LARP4B: variants seen among roughly 807,000 people sequenced by gnomAD.
The protein encoded by LARP4B is La ribonucleoprotein 4B.
Under a neutral mutation model 89.8 loss-of-function variants are expected in LARP4B, and 12 were observed. The ratio of observed to expected loss-of-function variants is 0.13; its 90% CI spans 0.09 to 0.22. The LOEUF is 0.22. Ranked by LOEUF, LARP4B falls within the 10% of genes least tolerant of loss-of-function variation. LARP4B has a pLI of 1.00. For missense variants in LARP4B, 757 were observed against 947.7 expected (o/e 0.80, Z 2.64); for synonymous variants, 367 against 363.3 (o/e 1.01, Z -0.12).
chr10:941,683 C>A, the LARP4B span, among the ~76,000 whole-genome samples: 1 of 152,176 alleles, frequency 6.6e-6, no homozygotes, highest in African/African-American at 2.4e-5. Context: ...GGTTCCATGG[C>A]CTGTTTACCA....
the LARP4B span, among the ~76,000 whole-genome samples, chr10:959,331 C>CCCACCTCCTCATCAAT: frequency 1.3e-5 from 2 of 150,376 alleles, no homozygotes; most frequent in Non-Finnish European, 2.9e-5. Context: ...GTTCAGCAAT[C>CCCACCTCCTCATCAAT]CCACCTCCTC....
intron 1 of LARP4B, among the ~76,000 whole-genome samples, chr10:895,140 C>T (rs1050543574): frequency 2.0e-5 from 3 of 151,882 alleles, no homozygotes; most frequent in Non-Finnish European, 2.9e-5. Flanking sequence ...GAGCCAAGAT[C>T]GCGCCACTCC....
intron 5 of LARP4B, among the ~76,000 whole-genome samples, chr10:857,562 C>A (rs1344229584): frequency 6.6e-6 from 1 of 152,108 alleles, no homozygotes; most frequent in Non-Finnish European, 1.5e-5. Flanking sequence ...GGGGGAGGTA[C>A]GATTTTCGGA....
intron 5 of LARP4B, among the ~76,000 whole-genome samples, chr10:852,289 A>G (rs1414938148): frequency 6.6e-6 from 1 of 152,264 alleles, no homozygotes; most frequent in Admixed American, 6.5e-5. Context: ...TAGTATATCC[A>G]AAGTATACTG....
chr10:877,720 T>C (rs1170870487), intron 3 of LARP4B, among the ~76,000 whole-genome samples: 1 of 152,166 alleles, frequency 6.6e-6, no homozygotes, highest in African/African-American at 2.4e-5. Flanking sequence ...GTAAGAGCCA[T>C]GAGAGTCTGC....
At chr10:817,917 C>T (rs370977942) in intron 14 of LARP4B, 28 bp from the exon 15 acceptor site, 20 of 1,599,440 alleles carry the variant, frequency 1.3e-5, no homozygotes, top group South Asian at 6.6e-5. Flanking sequence ...CCCAGGGTCA[C>T]GGTATGGAGA....
At position 873,427 on chromosome 10, in the gene LARP4B, A is replaced by G. The variant is rs942794947; in HGVS notation, c.142-9157T>C. 4 of 984,136 alleles carry G rather than the reference A, an allele frequency of 4.1e-6. No homozygotes were observed. In the African/African-American group the frequency reaches 7.0e-5, roughly 17 times the overall value. 61.0% of individuals were successfully genotyped at this position (984,136 alleles called of 1,614,324 possible). ...CTGCGCTGTATTTTTTCTTACTCTC[A>G]TAAACTCAATAAAACATAACTTAAA... is the stretch of plus-strand genomic sequence containing the variant. On this transcript the variant is annotated intron_variant, in intron 3 of 17. Coordinates refer to ENST00000316157, the MANE Select transcript of LARP4B (RefSeq NM_015155.3).
chr10:823,371 A>C (rs1832455239), intron 13 of LARP4B, among the ~76,000 whole-genome samples: 1 of 152,184 alleles, frequency 6.6e-6, no homozygotes. Context: ...GTCAGGCAAA[A>C]GCATAAACTT....
At chr10:911,977 G>C (rs913168391) in intron 1 of LARP4B, among the ~76,000 whole-genome samples, 16 of 152,188 alleles carry the variant, frequency 1.1e-4, no homozygotes, top group African/African-American at 3.9e-4. Context: ...TGGAGGTTAG[G>C]AGAGTGCTCA....
At chr10:905,018 G>A (rs1229486061) in intron 1 of LARP4B, among the ~76,000 whole-genome samples, 1 of 152,180 alleles carries the variant, frequency 6.6e-6, no homozygotes, top group Admixed American at 6.5e-5. Context: ...CAGGCTATGT[G>A]TATAAGGTGT....
At chr10:853,441 T>C (rs1049156277) in intron 5 of LARP4B, among the ~76,000 whole-genome samples, 3 of 152,220 alleles carry the variant, frequency 2.0e-5, no homozygotes, top group Non-Finnish European at 4.4e-5. Context: ...CCCAGCACTT[T>C]GGGAGGCCGA....
chr10:981,842 A>C, the LARP4B span, among the ~76,000 whole-genome samples: 1 of 152,150 alleles, frequency 6.6e-6, no homozygotes, highest in Non-Finnish European at 1.5e-5. Context: ...GCTGGATTAC[A>C]GGCATGAGCC....
chr10:880,330 T>G (rs1000436374), intron 3 of LARP4B, among the ~76,000 whole-genome samples: 4 of 152,144 alleles, frequency 2.6e-5, no homozygotes, highest in African/African-American at 9.7e-5. Context: ...GGTGGTTTTT[T>G]GAAAACTGAT....
intron 1 of LARP4B, among the ~76,000 whole-genome samples, chr10:916,691 G>A (rs745653910): frequency 5.3e-5 from 8 of 152,212 alleles, no homozygotes; most frequent in African/African-American, 1.4e-4. Flanking sequence ...GTGAAACTCC[G>A]TCTCAAAACA....
the LARP4B span, chr10:987,036 C>G: frequency 6.6e-6 from 1 of 151,978 alleles, no homozygotes; most frequent in Non-Finnish European, 1.5e-5. Flanking sequence ...AAAAGAGGAA[C>G]TGGCTATATC....
chr10:823,708 C>T (rs1444071652), intron 13 of LARP4B, among the ~76,000 whole-genome samples: 1 of 151,896 alleles, frequency 6.6e-6, no homozygotes, highest in Non-Finnish European at 1.5e-5. Flanking sequence ...TGAGCCCCAG[C>T]TCTGCAACCC....
At chr10:958,387 C>T in the LARP4B span, among the ~76,000 whole-genome samples, 4 of 152,226 alleles carry the variant, frequency 2.6e-5, no homozygotes, top group East Asian at 1.9e-4. Context: ...TGCCTTGGCA[C>T]GCACCACTAC....
the LARP4B span, among the ~76,000 whole-genome samples, chr10:960,988 A>G: frequency 2.6e-5 from 4 of 152,172 alleles, no homozygotes; most frequent in African/African-American, 9.7e-5. Context: ...CAGAACACAG[A>G]GGAGCACAGC....
downstream of LARP4B, chr10:808,906 CTAAA>C (rs1324499215): frequency 6.6e-6 from 1 of 151,922 alleles, no homozygotes. Context: ...AGATACTATT[CTAAA>C]TAAAGAGTTA....
Sources: gnomAD v4.1 joint callset for allele counts (sites outside exome capture counted in the v4.1 genomes callset) on GRCh38, gnomAD v4.1.1 for gene constraint, MANE v1.5 for transcripts, NCBI Gene and HGNC (gene_info 2026-07-23, HGNC 2026-07-21) for gene names.